RYR2: variants seen among roughly 807,000 people sequenced by gnomAD.
RYR2 encodes ryanodine receptor 2, also known as cardiac muscle ryanodine receptor-calcium release channel.
In RYR2, 227 loss-of-function variants were observed where a neutral mutation model predicts 601.1. The ratio of observed to expected loss-of-function variants is 0.38; its 90% CI spans 0.34 to 0.42. The LOEUF (loss-of-function observed/expected upper bound fraction) is 0.42, where lower values mean the gene tolerates loss of function less well. RYR2 is among the 10% of genes least tolerant of loss of function. RYR2 has a pLI of 1.00. For synonymous variants in RYR2, 2,223 were observed against 2,175.1 expected, an observed-to-expected ratio of 1.02 and a Z score of -0.61; for missense variants, 4,646 against 6,156.5, an observed-to-expected ratio of 0.75 and a Z score of 8.21.
intron 1 of RYR2, among the ~76,000 whole-genome samples, chr1:237,196,213 A>G (rs556923975): frequency 4.0e-4 from 61 of 152,318 alleles, no homozygotes; most frequent in Middle Eastern, 3.4e-3. Context: ...ATTTTTAACT[A>G]CAATAAATAT....
intron 1 of RYR2, among the ~76,000 whole-genome samples, chr1:237,177,424 A>G (rs143250159): frequency 1.8e-3 from 277 of 152,278 alleles, no homozygotes; most frequent in African/African-American, 6.5e-3. Flanking sequence ...CACAATTCCT[A>G]CTTCCCAACT....
chr1:237,135,125 A>T (rs1392286084), intron 1 of RYR2, among the ~76,000 whole-genome samples: 1 of 152,216 alleles, frequency 6.6e-6, no homozygotes, highest in Non-Finnish European at 1.5e-5. Flanking sequence ...GCATGCTTTC[A>T]ATGCCTTATG....
At chr1:237,706,822 C>A in intron 67 of RYR2, 127 bp from the exon 68 acceptor site, 1 of 721,676 alleles carries the variant, frequency 1.4e-6, no homozygotes. Context: ...GGAGAAGGAG[C>A]CAGTTGCAGG....
At chr1:237,137,191 T>TGAATTTCAGTCCCCTTAAG (rs1467380402) in intron 1 of RYR2, among the ~76,000 whole-genome samples, 1 of 152,148 alleles carries the variant, frequency 6.6e-6, no homozygotes, top group African/African-American at 2.4e-5. Flanking sequence ...ATTGTGACCA[T>TGAATTTCAGTCCCCTTAAG]GAATTTCAGT....
intron 99 of RYR2, among the ~76,000 whole-genome samples, chr1:237,808,398 C>T (rs1245377422): frequency 6.6e-6 from 1 of 152,038 alleles, no homozygotes; most frequent in African/African-American, 2.4e-5. Flanking sequence ...CGGTGGCTCA[C>T]GCCTGTAATC....
intron 17 of RYR2, among the ~76,000 whole-genome samples, chr1:237,475,299 A>G (rs905185476): frequency 6.6e-6 from 1 of 152,196 alleles, no homozygotes; most frequent in African/African-American, 2.4e-5. Flanking sequence ...AAATTAAAAT[A>G]TGTATAGTTA....
chr1:237,673,825 G>A (rs570046863), intron 58 of RYR2, among the ~76,000 whole-genome samples: 1 of 152,126 alleles, frequency 6.6e-6, no homozygotes, highest in Admixed American at 6.5e-5. Context: ...TCTCATTGGC[G>A]AGTGCAGATA....
intron 1 of RYR2, among the ~76,000 whole-genome samples, chr1:237,189,934 G>A (rs534870907): frequency 8.6e-5 from 13 of 151,250 alleles, no homozygotes; most frequent in Non-Finnish European, 1.2e-4. Flanking sequence ...GTGCAGTGGC[G>A]TGATCTTAGC....
At chr1:237,406,265 A>G (rs1462803319) in intron 10 of RYR2, among the ~76,000 whole-genome samples, 1 of 139,098 alleles carries the variant, frequency 7.2e-6, no homozygotes, top group Admixed American at 7.4e-5. Context: ...TCCCCATACT[A>G]CTACCTAGGC....
intron 100 of RYR2, among the ~76,000 whole-genome samples, chr1:237,813,468 G>A (rs542663330): frequency 3.9e-5 from 6 of 152,132 alleles, no homozygotes; most frequent in Non-Finnish European, 7.4e-5. Flanking sequence ...TGTACCACAG[G>A]GAGACCCCAG....
intron 89 of RYR2, among the ~76,000 whole-genome samples, chr1:237,783,081 C>T (rs1414052940): frequency 6.6e-6 from 1 of 152,158 alleles, no homozygotes; most frequent in Non-Finnish European, 1.5e-5. Flanking sequence ...CACACTGACT[C>T]ATGAAGAAAT....
intron 87 of RYR2, among the ~76,000 whole-genome samples, chr1:237,775,938 A>G (rs557619760): frequency 2.5e-4 from 38 of 152,282 alleles, no homozygotes; most frequent in African/African-American, 7.9e-4. Context: ...AAAAGAAAAA[A>G]TGGGTACTTT....
intron 77 of RYR2, 136 bp from the exon 78 acceptor site, chr1:237,731,909 CA>C: frequency 3.3e-6 from 2 of 601,480 alleles, no homozygotes; most frequent in African/African-American, 1.9e-5. Context: ...CACACACACA[CA>C]CACACACACC....
At chr1:237,748,208 G>T (rs556272472) in intron 80 of RYR2, among the ~76,000 whole-genome samples, 1 of 152,268 alleles carries the variant, frequency 6.6e-6, no homozygotes, top group South Asian at 2.1e-4. Context: ...GTGTTCTTGA[G>T]CTGATCACAG....
intron 56 of RYR2, 41 bp downstream of exon 56, chr1:237,660,988 T>C (rs1220603404): frequency 2.3e-6 from 3 of 1,280,510 alleles, no homozygotes; most frequent in Non-Finnish European, 3.0e-6. Flanking sequence ...GTTTATGTTA[T>C]GGATTAAATA....
intron 62 of RYR2, among the ~76,000 whole-genome samples, chr1:237,683,941 C>CTTG (rs1686126050): frequency 6.6e-6 from 1 of 151,300 alleles, no homozygotes; most frequent in Non-Finnish European, 1.5e-5. Context: ...TCTTCTTCTT[C>CTTG]TTTTGAGGTA....
At chr1:237,389,715 A>G (rs1702226317) in intron 10 of RYR2, among the ~76,000 whole-genome samples, 1 of 152,078 alleles carries the variant, frequency 6.6e-6, no homozygotes. Context: ...ATTGCAGGAG[A>G]TGGTACATGT....
intron 4 of RYR2, among the ~76,000 whole-genome samples, chr1:237,356,693 G>A (rs532524705): frequency 9.9e-5 from 15 of 152,090 alleles, no homozygotes; most frequent in African/African-American, 2.2e-4. Context: ...TTTTGGTCTC[G>A]GTTTCCTTAT....
intron 1 of RYR2, among the ~76,000 whole-genome samples, chr1:237,099,878 G>C (rs1040666696): frequency 6.6e-6 from 1 of 152,036 alleles, no homozygotes; most frequent in Admixed American, 6.6e-5. Flanking sequence ...TGGAAACTGA[G>C]GCAGAGAGGA....
Sources: allele counts gnomAD v4.1 joint callset (sites outside exome capture counted in the v4.1 genomes callset), GRCh38; gene constraint gnomAD v4.1.1; transcripts MANE v1.5; gene names NCBI Gene and HGNC (gene_info 2026-07-23, HGNC 2026-07-21).